The following FBXL7 variants were observed in gnomAD, a reference collection of about 807,000 sequenced individuals.
The protein encoded by FBXL7 is F-box and leucine rich repeat protein 7, also known as F-box/LRR-repeat protein 7.
Under a neutral mutation model 38.3 loss-of-function variants are expected in FBXL7, and 12 were observed. That is an observed-to-expected ratio of 0.31 (90% confidence interval 0.20 to 0.51). The LOEUF (loss-of-function observed/expected upper bound fraction) is 0.51, where lower values mean the gene tolerates loss of function less well. Ranked by LOEUF, FBXL7 falls within the 20% of genes least tolerant of loss-of-function variation. The pLI, the probability that FBXL7 is intolerant of heterozygous loss-of-function variation, is 0.98. For missense variants in FBXL7, 567 were observed against 676.4 expected (o/e 0.84, Z 1.79); for synonymous variants, 297 against 300.9 (o/e 0.99, Z 0.13).
intron 1 of FBXL7, chr5:15,501,860 ATGTGTATGTG>A (rs1561007122): frequency 1.2e-4 from 42 of 347,938 alleles, no homozygotes; most frequent in Non-Finnish European, 1.6e-4. Context: ...CCATATGTGC[ATGTGTATGTG>A]TGTGTGTGTG....
At chr5:15,511,026 C>T (rs1179968055) in intron 1 of FBXL7, among the ~76,000 whole-genome samples, 2 of 152,178 alleles carry the variant, frequency 1.3e-5, no homozygotes, top group East Asian at 3.9e-4. Context: ...CTGCCCATCA[C>T]CCTCATTTTG....
At chr5:15,609,414 T>C (rs1367402737) in intron 1 of FBXL7, among the ~76,000 whole-genome samples, 1 of 152,208 alleles carries the variant, frequency 6.6e-6, no homozygotes, top group Non-Finnish European at 1.5e-5. Context: ...CCAGCACAGC[T>C]TAGTTATTGC....
chr5:15,936,494 A>C lies in FBXL7; in HGVS notation c.784A>C (p.Ile262Leu). 1 of 1,613,496 alleles carries C rather than the reference A, an allele frequency of 6.2e-7. No individual in the cohort carries two copies. Among genetic ancestry groups the C allele is most frequent in the African/African-American group, 1.3e-5 (1 of 75,068 alleles). Residue 262 changes from isoleucine to leucine, a missense_variant, in exon 4 of 4, where the codon ATT becomes CTT. Ile to Leu is a conservative substitution (Grantham distance 5, BLOSUM62 2). Transcript: ENST00000504595. This position sits in a 1 kb window ranked among gnomAD's most constrained non-coding sequence, Gnocchi z 6.0. ...CATCAGCTTGACCCGGGAGGCCTCC[A>C]TTAAACTGTCACCCTTGCATGGCAA... ...TCISLTREAS[I>L]KLSPLHGKQI...
chr5:15,838,567 C>A (rs992224040), intron 2 of FBXL7, among the ~76,000 whole-genome samples: 1 of 152,204 alleles, frequency 6.6e-6, no homozygotes, highest in Non-Finnish European at 1.5e-5. Flanking sequence ...ACACCCTAGA[C>A]GGATATTGAG....
chr5:15,635,171 C>T (rs1741141162), intron 2 of FBXL7, among the ~76,000 whole-genome samples: 2 of 152,048 alleles, frequency 1.3e-5, no homozygotes, highest in South Asian at 4.1e-4. Context: ...CTGCTTGTGG[C>T]ATGACTGAGG....
Position 15,936,851 on chromosome 5 carries a change from C to A in FBXL7, c.1141C>A (p.Leu381Ile). ...VAKYCSKLRY[L>I]NARGCEGITD... ...CAAGTACTGCAGCAAGCTGCGCTAC[C>A]TCAACGCGAGGGGCTGCGAGGGCAT... is the stretch of plus-strand genomic sequence containing the variant. The change falls in exon 4 of 4, where the codon CTC becomes ATC. Residue 381 changes from leucine to isoleucine, a missense_variant. Physicochemically the swap from Leu to Ile is conservative, Grantham distance 5. Transcript: ENST00000504595. The surrounding 1 kb of genome is among the most constrained non-coding windows in gnomAD (Gnocchi z 6.0). 1 of 1,613,828 alleles carries A rather than the reference C, an allele frequency of 6.2e-7. No individual in the cohort carries two copies. Among genetic ancestry groups the A allele is most frequent in the Non-Finnish European group, 8.5e-7 (1 of 1,179,826 alleles).
intron 2 of FBXL7, among the ~76,000 whole-genome samples, chr5:15,782,157 G>A (rs1413279607): frequency 2.0e-5 from 3 of 152,100 alleles, no homozygotes. Context: ...CAAAGGACAT[G>A]AACCTATTTT....
intron 2 of FBXL7, among the ~76,000 whole-genome samples, chr5:15,815,016 A>G (rs947837523): frequency 2.6e-5 from 4 of 152,078 alleles, no homozygotes; most frequent in African/African-American, 9.7e-5. Flanking sequence ...CCAACTCCAT[A>G]CCATGTCCAA....
At chr5:15,830,524 A>G (rs945421764) in intron 2 of FBXL7, among the ~76,000 whole-genome samples, 13 of 147,996 alleles carry the variant, frequency 8.8e-5, no homozygotes, top group Non-Finnish European at 1.5e-4. Context: ...ACACACACAC[A>G]CGGAAAATTT....
At chr5:15,670,438 C>T (rs4702096) in intron 2 of FBXL7, among the ~76,000 whole-genome samples, 3,356 of 152,266 alleles carry the variant, frequency 0.022, 74 homozygotes, top group East Asian at 0.052. Context: ...GCAGAGCCAT[C>T]CCACTGGTCA....
chr5:15,703,469 CTT>C (rs1219181545), intron 2 of FBXL7, among the ~76,000 whole-genome samples: 1 of 152,138 alleles, frequency 6.6e-6, no homozygotes, highest in Non-Finnish European at 1.5e-5. Context: ...ATCATTTAAT[CTT>C]GTGTGAAATT....
At chr5:15,831,151 T>C (rs943231408) in intron 2 of FBXL7, among the ~76,000 whole-genome samples, 1 of 152,196 alleles carries the variant, frequency 6.6e-6, no homozygotes, top group Non-Finnish European at 1.5e-5. Flanking sequence ...GCAGCAGTCT[T>C]CTCAAACTGC....
rs1034542821 is a variant in FBXL7, at chr5:15,928,656, A to G, written c.739+155A>G. Among the ~76,000 whole-genome samples, 9 of 152,038 alleles carry G rather than the reference A, an allele frequency of 5.9e-5. No individual in the cohort carries two copies. The highest frequency in any genetic ancestry group is 1.3e-4 in the Non-Finnish European group (9 of 68,010). ...TGGCTTTTGCAGAGAAACTGTCTCT[A>G]TGGAATCATGACCCTGGAGGCCACA... On this transcript the variant is annotated intron_variant, in intron 3 of 3. Transcript: ENST00000504595. The surrounding 1 kb of genome is among the most constrained non-coding windows in gnomAD (Gnocchi z 4.0).
chr5:15,852,931 C>G (rs1186317342), intron 2 of FBXL7, among the ~76,000 whole-genome samples: 4 of 152,124 alleles, frequency 2.6e-5, no homozygotes, highest in Non-Finnish European at 5.9e-5. Context: ...ATCCTGACAT[C>G]AAGGGTGAAG....
chr5:15,603,637 A>G (rs896764173), intron 1 of FBXL7, among the ~76,000 whole-genome samples: 1 of 152,240 alleles, frequency 6.6e-6, no homozygotes, highest in Non-Finnish European at 1.5e-5. Flanking sequence ...CACTCCAGTT[A>G]TAGACATGGG....
chr5:15,557,180 C>T (rs770326853), intron 1 of FBXL7, among the ~76,000 whole-genome samples: 9 of 152,168 alleles, frequency 5.9e-5, no homozygotes, highest in Non-Finnish European at 1.0e-4. Context: ...CCTCGTGATC[C>T]CCCAGCCTTG....
At chr5:15,535,987 G>A (rs1257880269) in intron 1 of FBXL7, among the ~76,000 whole-genome samples, 4 of 152,268 alleles carry the variant, frequency 2.6e-5, no homozygotes, top group Non-Finnish European at 4.4e-5. Context: ...GGGCCTTGCT[G>A]CTCTGTGCAG....
chr5:15,538,059 T>G (rs566759417), intron 1 of FBXL7, among the ~76,000 whole-genome samples: 1 of 152,334 alleles, frequency 6.6e-6, no homozygotes, highest in Admixed American at 6.5e-5. Context: ...TCAGATCTCT[T>G]CTGCACATCT....
chr5:15,570,676 GA>G (rs1561032303), intron 1 of FBXL7, among the ~76,000 whole-genome samples: 4 of 152,208 alleles, frequency 2.6e-5, no homozygotes, highest in Non-Finnish European at 4.4e-5. Context: ...AGCATTAACA[GA>G]AGTACCTTCC....
Sources: gnomAD v4.1 joint callset for allele counts (sites outside exome capture counted in the v4.1 genomes callset) on GRCh38, gnomAD v4.1.1 for gene constraint, Gnocchi (gnomAD v3.1) non-coding constraint, MANE v1.5 for transcripts, NCBI Gene and HGNC (gene_info 2026-07-23, HGNC 2026-07-21) for gene names.